The following CACNG4 variants were observed in gnomAD, a reference collection of about 807,000 sequenced individuals.
The protein encoded by CACNG4 is calcium voltage-gated channel auxiliary subunit gamma 4.
In CACNG4, 8 loss-of-function variants were observed where a neutral mutation model predicts 22.9. That is an observed-to-expected ratio of 0.35 (90% CI 0.21 to 0.63). CACNG4 has a LOEUF of 0.63. Among genes scored for constraint, CACNG4 ranks in the 30% least tolerant of loss-of-function variants. The probability of loss-of-function intolerance (pLI) is 0.72; values close to 1 mark genes in which losing one functional copy is unlikely to be tolerated. For synonymous variants in CACNG4, 188 were observed against 191.9 expected (o/e 0.98, Z 0.17); for missense variants, 357 against 455.4 (o/e 0.78, Z 1.97).
At chr17:66,977,798 A>G (rs901282956) in intron 1 of CACNG4, among the ~76,000 whole-genome samples, 2 of 152,166 alleles carry the variant, frequency 1.3e-5, no homozygotes, top group Non-Finnish European at 2.9e-5. Flanking sequence ...TTTGTGGGGC[A>G]CCTGCTGAGT....
In CACNG4 at chr17:67,027,247, C is replaced by T. The variant is rs1362967605; in HGVS notation, c.445+2247C>T. 1.3e-5 allele frequency among the ~76,000 whole-genome samples: 2 copies of T among 152,352 alleles called. No homozygotes were observed. The highest frequency in any genetic ancestry group is 3.9e-4 in the East Asian group (2 of 5,182). ...AGGTGCCCCCTGCAGCTGCCCGTGC[C>T]CCCAGGAGGAGCCGTTTCAAAGGCA... On this transcript the variant is annotated intron_variant, in intron 3 of 3. Transcript: ENST00000262138. The surrounding 1 kb of genome is among the most constrained non-coding windows in gnomAD (Gnocchi z 4.3).
intron 1 of CACNG4, among the ~76,000 whole-genome samples, chr17:67,010,350 C>G (rs1374521696): frequency 6.6e-6 from 1 of 152,126 alleles, no homozygotes; most frequent in Middle Eastern, 3.2e-3. Context: ...CATGTGCTTC[C>G]CCATCATGCT....
intron 1 of CACNG4, among the ~76,000 whole-genome samples, chr17:66,994,634 T>C (rs2035362782): frequency 6.6e-6 from 1 of 152,206 alleles, no homozygotes; most frequent in Non-Finnish European, 1.5e-5. Context: ...GATACAATGA[T>C]GTTCAGGTCC....
chr17:67,015,310 A>G (rs2035490684), intron 1 of CACNG4, among the ~76,000 whole-genome samples: 1 of 152,118 alleles, frequency 6.6e-6, no homozygotes, highest in Non-Finnish European at 1.5e-5. Context: ...TTTGTAGGAG[A>G]GTCTCAAAAT....
chr17:66,976,150 G>GGGGCC (rs2035234769), intron 1 of CACNG4, among the ~76,000 whole-genome samples: 1 of 152,166 alleles, frequency 6.6e-6, no homozygotes, highest in Admixed American at 6.5e-5. Flanking sequence ...CAGGGTAGAG[G>GGGGCC]AGGACAAGGC....
intron 1 of CACNG4, among the ~76,000 whole-genome samples, chr17:66,973,358 C>T (rs2035216656): frequency 6.6e-6 from 1 of 152,190 alleles, no homozygotes; most frequent in Non-Finnish European, 1.5e-5. Context: ...TAATGCTTTC[C>T]CTACCCACAA....
In CACNG4 at chr17:67,030,749, G is replaced by A. The variant is rs527684520; in HGVS notation, c.729G>A (p.Ser243=). 79 of 1,614,136 alleles carry A rather than the reference G, an allele frequency of 4.9e-5. No individual in the cohort carries two copies. In the Admixed American group the frequency reaches 6.3e-4, roughly 13 times the overall value. ...GCTACAGGTACCGGCGACGGCGCTC[G>A]AGGTCCAGCTCAAGGTCCACCGAGG... is the stretch of plus-strand genomic sequence containing the variant. ...MPSYRYRRRR[S]RSSSRSTEAS... The change falls in exon 4 of 4, where the codon TCG becomes TCA. Residue 243 remains serine, a synonymous_variant. Coordinates refer to ENST00000262138, the MANE Select transcript of CACNG4 (RefSeq NM_014405.4). The surrounding 1 kb of genome is among the most constrained non-coding windows in gnomAD (Gnocchi z 6.4).
At chr17:66,982,272 C>A (rs965518976) in intron 1 of CACNG4, among the ~76,000 whole-genome samples, 3 of 149,764 alleles carry the variant, frequency 2.0e-5, no homozygotes, top group African/African-American at 7.7e-5. Context: ...CGTTTTACAG[C>A]ATGCTGATTG....
chr17:66,976,116 C>T (rs12453911), intron 1 of CACNG4, among the ~76,000 whole-genome samples: 3,735 of 152,258 alleles, frequency 0.025, 53 homozygotes, highest in Middle Eastern at 0.068. Context: ...GTCAGGTGAC[C>T]TCCCAGTGTC....
chr17:67,017,826 T>C (rs1346593638), intron 1 of CACNG4, among the ~76,000 whole-genome samples: 2 of 152,116 alleles, frequency 1.3e-5, no homozygotes, highest in Non-Finnish European at 2.9e-5. Flanking sequence ...TGTTTTTTAT[T>C]TTTTTCAAGA....
intron 2 of CACNG4, among the ~76,000 whole-genome samples, chr17:67,023,230 G>C (rs987524739): frequency 1.3e-5 from 2 of 149,120 alleles, no homozygotes; most frequent in African/African-American, 4.9e-5. Context: ...GATGATCTCA[G>C]CTTGAGATTC....
chr17:66,977,917 C>T (rs560373957), intron 1 of CACNG4, among the ~76,000 whole-genome samples: 1 of 152,280 alleles, frequency 6.6e-6, no homozygotes, highest in African/African-American at 2.4e-5. Flanking sequence ...ATACAGGGCA[C>T]GATGTGGAGA....
chr17:67,022,437 C>T (rs985810149), intron 2 of CACNG4, among the ~76,000 whole-genome samples: 1 of 152,178 alleles, frequency 6.6e-6, no homozygotes, highest in African/African-American at 2.4e-5. Flanking sequence ...CAGCACAGCT[C>T]AGAGGCACAT....
Position 67,024,082 on chromosome 17 carries a change from T to C in CACNG4, c.305-778T>C, listed in dbSNP as rs554769180. ...GTTAGTCAGTGGCAGAGCCCTGGTG[T>C]CAGGGCTACAAAGTTGGTTCTGTGG... On this transcript the variant is annotated intron_variant, in intron 2 of 3. Coordinates refer to ENST00000262138, the MANE Select transcript of CACNG4 (RefSeq NM_014405.4). 2.1e-3 allele frequency among the ~76,000 whole-genome samples: 316 copies of C among 152,270 alleles called. 2 individuals carry two copies. The highest frequency in any genetic ancestry group is 7.2e-3 in the African/African-American group (301 of 41,542).
At chr17:67,026,409 T>A (rs111219131) in intron 3 of CACNG4, among the ~76,000 whole-genome samples, 1 of 150,704 alleles carries the variant, frequency 6.6e-6, no homozygotes, top group Non-Finnish European at 1.5e-5. Flanking sequence ...CTGGTGGGTT[T>A]GTGTGTGTGA....
intron 1 of CACNG4, among the ~76,000 whole-genome samples, chr17:66,999,275 TTGGTGGTGG>T (rs60713225): frequency 6.6e-6 from 1 of 150,938 alleles, no homozygotes; most frequent in East Asian, 2.0e-4. Flanking sequence ...GGCAGTAGAG[TTGGTGGTGG>T]TGGTGGTGGT....
intron 1 of CACNG4, among the ~76,000 whole-genome samples, chr17:66,995,307 C>G (rs1197245744): frequency 6.6e-6 from 1 of 152,102 alleles, no homozygotes; most frequent in Non-Finnish European, 1.5e-5. Context: ...CAGACCTCGA[C>G]TGGGAGGGAA....
At chr17:66,992,132 G>A (rs1340457247) in intron 1 of CACNG4, among the ~76,000 whole-genome samples, 2 of 147,992 alleles carry the variant, frequency 1.4e-5, no homozygotes, top group East Asian at 2.0e-4. Context: ...GTCATGTCAC[G>A]GGGTACCTGG....
intron 3 of CACNG4, among the ~76,000 whole-genome samples, chr17:67,029,309 C>A (rs575865489): frequency 1.4e-5 from 2 of 144,162 alleles, no homozygotes; most frequent in African/African-American, 5.3e-5. Flanking sequence ...TCAGCCTGGG[C>A]AGCAGACTGA....
Sources: gnomAD v4.1 joint callset for allele counts (sites outside exome capture counted in the v4.1 genomes callset) on GRCh38, gnomAD v4.1.1 for gene constraint, Gnocchi (gnomAD v3.1) non-coding constraint, MANE v1.5 for transcripts, NCBI Gene and HGNC (gene_info 2026-07-23, HGNC 2026-07-21) for gene names.